The following PDE7B variants were observed in gnomAD, a reference collection of about 807,000 sequenced individuals.
PDE7B encodes phosphodiesterase 7B.
A neutral mutation model predicts 56.2 loss-of-function variants in PDE7B; 29 were observed. That is an observed-to-expected ratio of 0.52 (90% CI 0.38 to 0.70). The LOEUF is 0.70. Ranked by LOEUF, PDE7B falls within the 30% of genes least tolerant of loss-of-function variation. The pLI, the probability that PDE7B is intolerant of heterozygous loss-of-function variation, is 0.00. For missense variants in PDE7B, 490 were observed against 565.0 expected, an observed-to-expected ratio of 0.87 and a Z score of 1.35; for synonymous variants, 197 against 196.9, an observed-to-expected ratio of 1.00 and a Z score of 0.00.
At chr6:136,031,544 C>G (rs933253445) in intron 2 of PDE7B, among the ~76,000 whole-genome samples, 29 of 151,764 alleles carry the variant, frequency 1.9e-4, no homozygotes, top group Non-Finnish European at 2.8e-4. Context: ...TCGAGACCAT[C>G]CCGGCTAAAA....
At chr6:135,986,296 T>A (rs1775375408) in intron 2 of PDE7B, among the ~76,000 whole-genome samples, 1 of 152,208 alleles carries the variant, frequency 6.6e-6, no homozygotes, top group African/African-American at 2.4e-5. Context: ...TCTGAGTGGA[T>A]TATGTGAAAA....
chr6:136,174,764 G>A (rs993979857), intron 9 of PDE7B, among the ~76,000 whole-genome samples: 1 of 152,046 alleles, frequency 6.6e-6, no homozygotes, highest in Non-Finnish European at 1.5e-5. Flanking sequence ...CTGTTTCCTA[G>A]CACCCAGAGG....
intron 1 of PDE7B, among the ~76,000 whole-genome samples, chr6:135,901,276 C>T (rs1289466876): frequency 1.3e-5 from 2 of 152,040 alleles, no homozygotes; most frequent in African/African-American, 2.4e-5. Context: ...ACAATGTATA[C>T]TCAGGAGCAT....
At chr6:136,047,056 A>G (rs181035377) in intron 2 of PDE7B, among the ~76,000 whole-genome samples, 256 of 152,268 alleles carry the variant, frequency 1.7e-3, no homozygotes, top group African/African-American at 5.8e-3. Context: ...CATTATCTCT[A>G]TCACACACTG....
At chr6:135,869,970 G>A (rs538882961) in intron 1 of PDE7B, among the ~76,000 whole-genome samples, 5 of 152,208 alleles carry the variant, frequency 3.3e-5, no homozygotes, top group Non-Finnish European at 7.3e-5. Flanking sequence ...GGTGGAAATT[G>A]TACTCTTCTC....
At chr6:136,049,466 A>G (rs929342800) in intron 2 of PDE7B, 3 of 152,032 alleles carry the variant, frequency 2.0e-5, no homozygotes, top group East Asian at 1.9e-4. Flanking sequence ...GAGAAAACAT[A>G]TAAGAAAAAT....
At chr6:136,054,620 C>G (rs1776696629) in intron 2 of PDE7B, among the ~76,000 whole-genome samples, 1 of 152,164 alleles carries the variant, frequency 6.6e-6, no homozygotes, top group African/African-American at 2.4e-5. Flanking sequence ...ATGCGGATGG[C>G]ATTGAATCTA....
intron 1 of PDE7B, among the ~76,000 whole-genome samples, chr6:135,904,632 C>T (rs888108236): frequency 1.4e-4 from 22 of 152,144 alleles, no homozygotes; most frequent in Admixed American, 1.2e-3. Context: ...TATATTATAT[C>T]AAACACTGTG....
intron 2 of PDE7B, among the ~76,000 whole-genome samples, chr6:135,969,109 G>A (rs1772973774): frequency 6.6e-6 from 1 of 152,090 alleles, no homozygotes; most frequent in Admixed American, 6.6e-5. Context: ...ACACATCGAG[G>A]GGAACAACAC....
intron 2 of PDE7B, among the ~76,000 whole-genome samples, chr6:135,955,978 A>G (rs1774785700): frequency 6.6e-6 from 1 of 152,192 alleles, no homozygotes; most frequent in Admixed American, 6.5e-5. Flanking sequence ...ACAGCTCAGA[A>G]GGAGGGCTCT....
chr6:136,175,233 A>G (rs1263292809), intron 9 of PDE7B, among the ~76,000 whole-genome samples: 2 of 152,250 alleles, frequency 1.3e-5, no homozygotes, highest in Non-Finnish European at 2.9e-5. Context: ...AATAATTGTT[A>G]TACAATAATA....
In PDE7B at chr6:135,947,519, T is replaced by A; in HGVS notation, c.77T>A (p.Met26Lys). Residue 26 changes from methionine (M) to lysine (K), a missense_variant, in exon 2 of 13, where the codon ATG becomes AAG. By Grantham distance (95) the Met-to-Lys change is moderately conservative. Transcript: ENST00000308191. ...GATCAGAATGCCAAATGTGTTTGCA[T>A]GCTGGGTAAGAAGGCTTCTCATTTT... ...NPDQNAKCVC[M>K]LGDIRLRGQT... The A allele has an allele frequency of 6.2e-7, 1 of 1,609,154 alleles. No homozygotes were observed. Among genetic ancestry groups the A allele is most frequent in the Non-Finnish European group, 8.5e-7 (1 of 1,175,658 alleles).
At chr6:135,892,273 C>T (rs184407209) in intron 1 of PDE7B, among the ~76,000 whole-genome samples, 1 of 152,190 alleles carries the variant, frequency 6.6e-6, no homozygotes, top group East Asian at 1.9e-4. Context: ...TTAATTATAT[C>T]GGCTTTCAGA....
chr6:136,118,571 C>G lies in PDE7B; in HGVS notation c.166+9757C>G, dbSNP rs540869343. 2.6e-5 allele frequency among the ~76,000 whole-genome samples: 4 copies of G among 152,344 alleles called. No individual in the cohort carries two copies. In the South Asian group the frequency reaches 8.3e-4, roughly 32 times the overall value. On this transcript the variant is annotated intron_variant, in intron 3 of 12. Coordinates refer to ENST00000308191, the MANE Select transcript of PDE7B (RefSeq NM_018945.4). Reference sequence around the variant, plus strand: ...ACTGAGACTGAAAGAGGAGAAATAACTCAACCAAGGTCACCCAGCTTGTAA... The same window carrying G: ...ACTGAGACTGAAAGAGGAGAAATAAGTCAACCAAGGTCACCCAGCTTGTAA...
chr6:135,959,847 C>G (rs1015191321), intron 2 of PDE7B, among the ~76,000 whole-genome samples: 1 of 152,066 alleles, frequency 6.6e-6, no homozygotes, highest in African/African-American at 2.4e-5. Flanking sequence ...GATCAGAGCT[C>G]GCTGCCTCCT....
intron 2 of PDE7B, among the ~76,000 whole-genome samples, chr6:136,000,202 C>T (rs1775640051): frequency 6.6e-6 from 1 of 152,164 alleles, no homozygotes. Context: ...TGTAGGTTGT[C>T]TGTTCAATCT....
At chr6:136,020,847 T>TTA (rs1164526645) in intron 2 of PDE7B, among the ~76,000 whole-genome samples, 1 of 152,334 alleles carries the variant, frequency 6.6e-6, no homozygotes, top group East Asian at 1.9e-4. Context: ...TTCTTTATAT[T>TTA]TATGCCTACC....
chr6:135,956,410 G>A (rs1398356123), intron 2 of PDE7B, among the ~76,000 whole-genome samples: 1 of 152,146 alleles, frequency 6.6e-6, no homozygotes, highest in Non-Finnish European at 1.5e-5. Flanking sequence ...AAGAGCATCA[G>A]CAGCAGAAGG....
chr6:136,022,278 G>A (rs1435298226), intron 2 of PDE7B, among the ~76,000 whole-genome samples: 4 of 152,218 alleles, frequency 2.6e-5, no homozygotes, highest in Admixed American at 6.5e-5. Flanking sequence ...GCTTTTCAAC[G>A]TGTTTACTTC....
Sources: allele counts gnomAD v4.1 joint callset (sites outside exome capture counted in the v4.1 genomes callset), GRCh38; gene constraint gnomAD v4.1.1; transcripts MANE v1.5; gene names NCBI Gene and HGNC (gene_info 2026-07-23, HGNC 2026-07-21).